The following KIF26B variants were observed in gnomAD, a reference collection of about 807,000 sequenced individuals.
KIF26B encodes kinesin-like protein KIF26B.
Under a neutral mutation model 151.2 loss-of-function variants are expected in KIF26B, and 63 were observed. The observed-to-expected ratio is 0.42, with a 90% confidence interval of 0.34 to 0.51. KIF26B has a LOEUF of 0.51. KIF26B is among the 20% of genes least tolerant of loss of function. The pLI, the probability that KIF26B is intolerant of heterozygous loss-of-function variation, is 0.07. For synonymous variants in KIF26B, 1,357 were observed against 1,262.1 expected (o/e 1.08, Z -1.59); for missense variants, 2,813 against 2,913.6 (o/e 0.97, Z 0.79).
chr1:245,383,401 G>A (rs1391078904), intron 3 of KIF26B, among the ~76,000 whole-genome samples: 1 of 152,128 alleles, frequency 6.6e-6, no homozygotes, highest in Admixed American at 6.5e-5. Flanking sequence ...CTTCGTGCAG[G>A]GTCCACTCTC....
intron 5 of KIF26B, among the ~76,000 whole-genome samples, chr1:245,561,132 G>A (rs184960768): frequency 1.4e-3 from 211 of 152,348 alleles, no homozygotes; most frequent in Middle Eastern, 6.8e-3. Flanking sequence ...TGTTTATCAC[G>A]AGGGGCATTA....
chr1:245,461,931 T>C (rs1197268114), intron 4 of KIF26B, among the ~76,000 whole-genome samples: 1 of 152,072 alleles, frequency 6.6e-6, no homozygotes, highest in Non-Finnish European at 1.5e-5. Context: ...CCTGGCAACA[T>C]GGTGAGACCC....
intron 5 of KIF26B, among the ~76,000 whole-genome samples, chr1:245,556,958 C>T (rs1462293302): frequency 6.6e-6 from 1 of 152,142 alleles, no homozygotes; most frequent in Admixed American, 6.5e-5. Context: ...GGCCCATTCT[C>T]CAAAATTAAC....
chr1:245,698,079 ACT>A lies in KIF26B; in HGVS notation c.5825-22_5825-21del. 6.3e-7 allele frequency: 1 copy of A among 1,586,906 alleles called. No homozygotes were observed. Among genetic ancestry groups the A allele is most frequent in the Non-Finnish European group, 8.6e-7 (1 of 1,166,260 alleles). Reference sequence around the variant, plus strand: ...AAAAAATTGAAATTCAGAAAGACTAACTCTCTGGGCTTATCCCCCTCCTCAGG... The same window carrying A: ...AAAAAATTGAAATTCAGAAAGACTAACTCTGGGCTTATCCCCCTCCTCAGG... On this transcript the variant is annotated intron_variant, in intron 12 of 14. Coordinates refer to ENST00000407071, the MANE Select transcript of KIF26B (RefSeq NM_018012.4). This position sits in a 1 kb window ranked among gnomAD's most constrained non-coding sequence, Gnocchi z 4.0.
At chr1:245,567,912 G>A (rs1360970519) in intron 5 of KIF26B, among the ~76,000 whole-genome samples, 5 of 152,060 alleles carry the variant, frequency 3.3e-5, no homozygotes, top group South Asian at 2.1e-4. Context: ...GGCCGGGCAC[G>A]GTGGCTCACA....
intron 4 of KIF26B, among the ~76,000 whole-genome samples, chr1:245,437,506 T>C (rs704649): frequency 0.55 from 82,913 of 152,022 alleles, 23,337 homozygotes; most frequent in East Asian, 0.64. Context: ...AGATCTGCAG[T>C]GGATTTATTA....
chr1:245,209,937 GGGTCTTGGGAAGGAA>G (rs1395387602), intron 2 of KIF26B, among the ~76,000 whole-genome samples: 2 of 152,224 alleles, frequency 1.3e-5, no homozygotes, highest in Non-Finnish European at 2.9e-5. Flanking sequence ...GAAGATACTG[GGGTCTTGGGAAGGAA>G]GGTGACTGTT....
At chr1:245,187,582 C>A (rs941237395) in intron 2 of KIF26B, among the ~76,000 whole-genome samples, 1 of 152,120 alleles carries the variant, frequency 6.6e-6, no homozygotes, top group Admixed American at 6.5e-5. Context: ...TTTTAACCAG[C>A]TTGAGAGACA....
In KIF26B at chr1:245,303,351, A is replaced by G. The variant is rs533613255; in HGVS notation, c.466-63483A>G. Among the ~76,000 whole-genome samples, 472 of 151,174 alleles carry G rather than the reference A, an allele frequency of 3.1e-3. 5 individuals are homozygous for G. Among genetic ancestry groups the G allele is most frequent in the African/African-American group, 0.011 (435 of 40,946 alleles). Reference sequence around the variant, plus strand: ...GTAGCTGGGACTACAGGTGCCCGCCACCACGCCCGGCTAATTTTTTGTATT... The same window carrying G: ...GTAGCTGGGACTACAGGTGCCCGCCGCCACGCCCGGCTAATTTTTTGTATT... On this transcript the variant is annotated intron_variant, in intron 2 of 14. Coordinates refer to ENST00000407071, the MANE Select transcript of KIF26B (RefSeq NM_018012.4).
chr1:245,448,490 A>G (rs12024605), intron 4 of KIF26B, among the ~76,000 whole-genome samples: 36,562 of 152,124 alleles, frequency 0.24, 4,573 homozygotes, highest in East Asian at 0.31. Flanking sequence ...GATTACAGGC[A>G]TGAGCGACCA....
chr1:245,253,111 G>A (rs1422625008), intron 2 of KIF26B, among the ~76,000 whole-genome samples: 1 of 150,260 alleles, frequency 6.7e-6, no homozygotes, highest in Non-Finnish European at 1.5e-5. Flanking sequence ...CCAGGTTCAA[G>A]CAGTTCTCCT....
chr1:245,236,304 A>G (rs1670110148), intron 2 of KIF26B, among the ~76,000 whole-genome samples: 1 of 152,164 alleles, frequency 6.6e-6, no homozygotes, highest in Admixed American at 6.5e-5. Context: ...TCTTGGTTCT[A>G]TCATTTACCA....
rs80082386 is a variant in KIF26B, at chr1:245,201,227, A to C, written c.465+44544A>C. On this transcript the variant is annotated intron_variant, in intron 2 of 14. Coordinates refer to ENST00000407071, the MANE Select transcript of KIF26B (RefSeq NM_018012.4). ...GCCTCCTGATTTTTAAGGTATTACA[A>C]GTTAAACACGCAACAAATAGTCTAG... is the stretch of plus-strand genomic sequence containing the variant. Among the ~76,000 whole-genome samples, 23 of 152,354 alleles carry C rather than the reference A, an allele frequency of 1.5e-4. No individual in the cohort carries two copies. The East Asian group carries it at 4.0e-3, about 27-fold the overall frequency.
At chr1:245,252,504 T>A (rs1012702512) in intron 2 of KIF26B, among the ~76,000 whole-genome samples, 2 of 152,258 alleles carry the variant, frequency 1.3e-5, no homozygotes, top group African/African-American at 4.8e-5. Flanking sequence ...ATTGATTGAT[T>A]GCTGTTGACC....
intron 3 of KIF26B, among the ~76,000 whole-genome samples, chr1:245,401,175 A>G (rs1673992349): frequency 6.6e-6 from 1 of 152,226 alleles, no homozygotes; most frequent in African/African-American, 2.4e-5. Context: ...TTCCATTTAC[A>G]TGGATTGGAG....
intron 4 of KIF26B, among the ~76,000 whole-genome samples, chr1:245,465,964 T>C (rs1659780629): frequency 6.6e-6 from 1 of 152,210 alleles, no homozygotes; most frequent in South Asian, 2.1e-4. Context: ...GTCTGCCTCC[T>C]GGCGCAGAGC....
chr1:245,682,453 T>TCCA (rs2044453147), intron 10 of KIF26B, among the ~76,000 whole-genome samples: 6 of 146,786 alleles, frequency 4.1e-5, no homozygotes, highest in African/African-American at 1.3e-4. Context: ...CCACTACTCA[T>TCCA]GTAAGACCTG....
intron 2 of KIF26B, among the ~76,000 whole-genome samples, chr1:245,269,708 C>T (rs954467228): frequency 4.6e-5 from 7 of 152,078 alleles, no homozygotes; most frequent in Non-Finnish European, 8.8e-5. Flanking sequence ...AGTGATCCAT[C>T]CACCTTGGCC....
Position 245,166,941 on chromosome 1 carries a change from A to C in KIF26B, c.465+10258A>C, listed in dbSNP as rs1352921792. Among the ~76,000 whole-genome samples the C allele has an allele frequency of 2.0e-5, 3 of 152,248 alleles. No homozygotes were observed. The highest frequency in any genetic ancestry group is 3.8e-4 in the East Asian group (2 of 5,206). ...TTGCTATAGAGGTTAGCAAAGCAGA[A>C]GGCTCTGAGGGTAGAGTAAGTATTA... On this transcript the variant is annotated intron_variant, in intron 2 of 14. Coordinates refer to ENST00000407071, the MANE Select transcript of KIF26B (RefSeq NM_018012.4). This position sits in a 1 kb window ranked among gnomAD's most constrained non-coding sequence, Gnocchi z 4.5.
Sources: allele counts gnomAD v4.1 joint callset (sites outside exome capture counted in the v4.1 genomes callset), GRCh38; gene constraint gnomAD v4.1.1; non-coding constraint Gnocchi (gnomAD v3.1); transcripts MANE v1.5; gene names NCBI Gene and HGNC (gene_info 2026-07-23, HGNC 2026-07-21).